The following ARHGAP6 variants were observed in gnomAD, a reference collection of about 807,000 sequenced individuals.
The protein encoded by ARHGAP6 is Rho GTPase activating protein 6, also known as rho GTPase-activating protein 6.
A neutral mutation model predicts 55.7 loss-of-function variants in ARHGAP6; 16 were observed. The ratio of observed to expected loss-of-function variants is 0.29; its 90% CI spans 0.19 to 0.44. The LOEUF is 0.44. Among genes scored for constraint, ARHGAP6 ranks in the 20% least tolerant of loss-of-function variants. ARHGAP6 has a pLI of 1.00. For synonymous variants in ARHGAP6, 382 were observed against 360.9 expected (o/e 1.06, Z -0.66); for missense variants, 698 against 808.9 (o/e 0.86, Z 1.66).
At chrX:11,520,131 T>TTATATATATATATATATATATTTATA (rs2050898949) in intron 1 of ARHGAP6, among the ~76,000 whole-genome samples, 1 of 18,250 alleles carries the variant, frequency 5.5e-5, no homozygotes, top group Non-Finnish European at 1.0e-4. Context: ...AGAATTGATT[T>TTATATATATATATATATATATTTATA]TATATATATA....
chrX:11,259,195 A>G (rs544879385), intron 1 of ARHGAP6, among the ~76,000 whole-genome samples: 45 of 111,334 alleles, frequency 4.0e-4, no homozygotes, highest in Admixed American at 1.2e-3. Context: ...CATGAGTTCA[A>G]TTGCTTTGAT....
intron 1 of ARHGAP6, chrX:11,265,778 AT>A (rs779033736): frequency 9.7e-6 from 9 of 929,661 alleles, no homozygotes; most frequent in South Asian, 4.7e-5. Flanking sequence ...TAAAAAAATT[AT>A]TTTTTTGGTA....
chrX:11,640,485 T>C (rs962215603), intron 1 of ARHGAP6, among the ~76,000 whole-genome samples: 1 of 112,173 alleles, frequency 8.9e-6, no homozygotes, highest in Non-Finnish European at 1.9e-5. Flanking sequence ...CAGTGCTGCC[T>C]CGCCTTAAAT....
At chrX:11,262,390 C>A (rs1193772136) in intron 1 of ARHGAP6, among the ~76,000 whole-genome samples, 1 of 112,206 alleles carries the variant, frequency 8.9e-6, no homozygotes, top group African/African-American at 3.2e-5. Flanking sequence ...TTCAGAAAGT[C>A]ATTCTTTTGA....
intron 2 of ARHGAP6, among the ~76,000 whole-genome samples, chrX:11,202,035 G>GTGTA (rs2046633594): frequency 1.1e-5 from 1 of 94,011 alleles, no homozygotes; most frequent in Non-Finnish European, 2.2e-5. Context: ...GTGTGTGTGT[G>GTGTA]TGTGTGTGTG....
intron 1 of ARHGAP6, among the ~76,000 whole-genome samples, chrX:11,299,546 A>G (rs2048142713): frequency 1.8e-5 from 2 of 112,399 alleles, no homozygotes; most frequent in Admixed American, 9.4e-5. Context: ...GGGGTTCTAT[A>G]GATGATTAAG....
At chrX:11,598,322 T>C (rs5979430) in intron 1 of ARHGAP6, among the ~76,000 whole-genome samples, 20,825 of 111,436 alleles carry the variant, frequency 0.19, 1,633 homozygotes, top group African/African-American at 0.27. Context: ...CTACAAAGAA[T>C]ACCAGCTTAC....
chrX:11,586,999 T>C (rs888017803), intron 1 of ARHGAP6, among the ~76,000 whole-genome samples: 1 of 111,932 alleles, frequency 8.9e-6, no homozygotes, highest in Non-Finnish European at 1.9e-5. Context: ...ATAGGAATGC[T>C]AGTGATTTTT....
At chrX:11,468,346 G>C (rs2050315849) in intron 1 of ARHGAP6, among the ~76,000 whole-genome samples, 1 of 112,213 alleles carries the variant, frequency 8.9e-6, no homozygotes, top group African/African-American at 3.2e-5. Flanking sequence ...TGATACATTT[G>C]AAGAAATTAT....
At chrX:11,471,649 A>G (rs572937228) in intron 1 of ARHGAP6, among the ~76,000 whole-genome samples, 11 of 112,594 alleles carry the variant, frequency 9.8e-5, no homozygotes, top group African/African-American at 3.5e-4. Flanking sequence ...TTAATTTCAT[A>G]AAAATATCAG....
chrX:11,628,422 T>C (rs1422532096), intron 1 of ARHGAP6, among the ~76,000 whole-genome samples: 1 of 112,772 alleles, frequency 8.9e-6, no homozygotes, highest in Non-Finnish European at 1.9e-5. Flanking sequence ...AAGAGGGAAT[T>C]GTATTATTGT....
intron 1 of ARHGAP6, among the ~76,000 whole-genome samples, chrX:11,585,981 A>T (rs2051728871): frequency 9.0e-6 from 1 of 111,629 alleles, no homozygotes; most frequent in East Asian, 2.8e-4. Flanking sequence ...CACTATTATG[A>T]TGACAGCTCC....
chrX:11,553,623 A>G (rs1167532704), intron 1 of ARHGAP6, among the ~76,000 whole-genome samples: 1 of 112,070 alleles, frequency 8.9e-6, no homozygotes, highest in East Asian at 2.8e-4. Context: ...TGAAAAGCAG[A>G]GCATTTTTAC....
intron 1 of ARHGAP6, among the ~76,000 whole-genome samples, chrX:11,535,065 C>T (rs2051088959): frequency 9.0e-6 from 1 of 111,675 alleles, no homozygotes; most frequent in Non-Finnish European, 1.9e-5. Flanking sequence ...AAATTTTTAA[C>T]CACATACGGT....
intron 8 of ARHGAP6, among the ~76,000 whole-genome samples, chrX:11,177,465 T>G (rs1162483122): frequency 9.0e-6 from 1 of 110,783 alleles, no homozygotes; most frequent in African/African-American, 3.3e-5. Context: ...CTTTGAGCAG[T>G]TGATACCATG....
intron 1 of ARHGAP6, among the ~76,000 whole-genome samples, chrX:11,620,966 T>C (rs771163839): frequency 4.4e-5 from 5 of 112,386 alleles, no homozygotes; most frequent in African/African-American, 9.7e-5. Flanking sequence ...ACACAGCCTC[T>C]GTCTAGACAA....
At chrX:11,149,814 C>T (rs2045749335) in intron 10 of ARHGAP6, among the ~76,000 whole-genome samples, 1 of 111,817 alleles carries the variant, frequency 8.9e-6, no homozygotes, top group African/African-American at 3.3e-5. Flanking sequence ...ATTTGTCATT[C>T]AATAAGATGA....
At chrX:11,152,507 C>A (rs763258221) in intron 10 of ARHGAP6, among the ~76,000 whole-genome samples, 1 of 111,726 alleles carries the variant, frequency 9.0e-6, no homozygotes, top group East Asian at 2.8e-4. Context: ...TTATTGTGAC[C>A]CCAGCTAGCC....
At chrX:11,305,372 TAAAAA>T (rs1004852740) in intron 1 of ARHGAP6, among the ~76,000 whole-genome samples, 5 of 112,122 alleles carry the variant, frequency 4.5e-5, no homozygotes, top group African/African-American at 1.6e-4. Context: ...ATCTATAAAA[TAAAAA>T]AAGTAAATTA....
Sources: gnomAD v4.1 joint callset for allele counts (sites outside exome capture counted in the v4.1 genomes callset) on GRCh38, gnomAD v4.1.1 for gene constraint, MANE v1.5 for transcripts, NCBI Gene and HGNC (gene_info 2026-07-23, HGNC 2026-07-21) for gene names.